MARS2: variants seen among roughly 807,000 people sequenced by gnomAD.
MARS2 encodes the protein methionyl-tRNA synthetase 2, mitochondrial.
A neutral mutation model predicts 43.8 loss-of-function variants in MARS2; 33 were observed. That is an observed-to-expected ratio of 0.75 (90% CI 0.57 to 1.01). The LOEUF (loss-of-function observed/expected upper bound fraction) is 1.01, where lower values mean the gene tolerates loss of function less well. Ranked by LOEUF, MARS2 falls within the 50% of genes least tolerant of loss-of-function variation. The pLI is 0.00. For synonymous variants in MARS2, 351 were observed against 325.5 expected, an observed-to-expected ratio of 1.08 and a Z score of -0.84; for missense variants, 720 against 763.0, an observed-to-expected ratio of 0.94 and a Z score of 0.66.
Position 197,705,720 on chromosome 2 carries a change from C to T in MARS2, c.315C>T (p.Thr105=), listed in dbSNP as rs1185095305. 4.3e-6 allele frequency: 7 copies of T among 1,611,652 alleles called. No homozygotes were observed. In the South Asian group the frequency reaches 5.5e-5, roughly 13 times the overall value. ...TGAAGATTCAGCAGGCAGCAGCTAC[C>T]GCGGGCCTGGCCCCGACCGAGCTGT... The part of the protein sequence containing the change: ...HGLKIQQAAA[T]AGLAPTELCD... The change falls in exon 1 of 1, where the codon ACC becomes ACT. Residue 105 remains threonine, a synonymous_variant. Transcript: ENST00000282276.
chr2:197,706,498 T>C lies in MARS2; in HGVS notation c.1093T>C (p.Tyr365His), dbSNP rs768978350. 58 of 1,613,918 alleles carry C rather than the reference T, an allele frequency of 3.6e-5. No homozygotes were observed. Among genetic ancestry groups the C allele is most frequent in the Non-Finnish European group, 4.5e-5 (53 of 1,180,052 alleles). ...GGATCCTAGGACTTGCCTTAACCGC[T>C]ATACCGTGGATGGCTTCCGCTACTT... ...VVDPRTCLNR[Y>H]TVDGFRYFLL... The change falls in exon 1 of 1, where the codon TAT becomes CAT. Residue 365 changes from tyrosine (Y) to histidine (H), a missense_variant. Tyr to His is a moderately conservative substitution (Grantham distance 83). Coordinates refer to ENST00000282276, the MANE Select transcript of MARS2 (RefSeq NM_138395.4).
At position 197,705,509 on chromosome 2, in the gene MARS2, G is replaced by C; in HGVS notation, c.104G>C (p.Ser35Thr). The C allele has an allele frequency of 6.2e-7, 1 of 1,613,200 alleles. No homozygotes were observed. The highest frequency in any genetic ancestry group is 8.5e-7 in the Non-Finnish European group (1 of 1,179,998). The change falls in exon 1 of 1, where the codon AGT (serine) becomes ACT (threonine). Residue 35 changes from serine to threonine, a missense_variant. Ser to Thr is a moderately conservative substitution (Grantham distance 58, BLOSUM62 1). Transcript: ENST00000282276. ...CGCTACTACAGTTCGGGCTCCCTCA[G>C]TGCCGGCGATGATGCTTGTGATGTG... The part of the protein sequence containing the change: ...GPRYYSSGSL[S>T]AGDDACDVRA...
In MARS2 at chr2:197,705,530, A is replaced by G. The variant is rs1174002700; in HGVS notation, c.125A>G (p.Asp42Gly). The part of the protein sequence containing the change: ...GSLSAGDDAC[D>G]VRAYFTTPIF... Reference sequence around the variant, plus strand: ...CTCAGTGCCGGCGATGATGCTTGTGATGTGCGCGCCTACTTCACTACACCC... The same window carrying G: ...CTCAGTGCCGGCGATGATGCTTGTGGTGTGCGCGCCTACTTCACTACACCC... The change falls in exon 1 of 1, where the codon GAT (aspartate) becomes GGT (glycine). Residue 42 changes from aspartate to glycine, a missense_variant. Asp to Gly is a moderately conservative substitution (Grantham distance 94, BLOSUM62 -1). Coordinates refer to ENST00000282276, the MANE Select transcript of MARS2 (RefSeq NM_138395.4). 6.2e-7 allele frequency: 1 copy of G among 1,612,996 alleles called. No individual in the cohort carries two copies. The highest frequency in any genetic ancestry group is 8.5e-7 in the Non-Finnish European group (1 of 1,179,968).
chr2:197,705,855 C>CT lies in MARS2; in HGVS notation c.451dup (p.Trp151LeufsTer5). ...GGCACCGGGTGGCTGTGCAGCACTTCTGGGGGGTGCTTAAGTCCCGCGGTC... is the reference window on the plus strand; with the variant it reads ...GGCACCGGGTGGCTGTGCAGCACTTCTTGGGGGGTGCTTAAGTCCCGCGGTC... On this transcript the variant is annotated frameshift_variant, in exon 1 of 1. Transcript: ENST00000282276. LOFTEE classifies it high-confidence loss of function. The CT allele has an allele frequency of 6.2e-7, 1 of 1,613,970 alleles. No homozygotes were observed. Among genetic ancestry groups the CT allele is most frequent in the Non-Finnish European group, 8.5e-7 (1 of 1,180,046 alleles).
Position 197,705,774 on chromosome 2 carries a change from G to T in MARS2, c.369G>T (p.Gln123His). Reference protein sequence around the residue: ...LCDRVSEQFQQLFQEAGISCT... With the variant: ...LCDRVSEQFQHLFQEAGISCT... ...ACCGAGTCTCTGAGCAGTTCCAGCA[G>T]CTTTTCCAGGAGGCCGGTATCTCCT... The change falls in exon 1 of 1, where the codon CAG becomes CAT. Residue 123 changes from glutamine (Q) to histidine (H), a missense_variant. By Grantham distance (24) the Gln-to-His change is conservative (BLOSUM62 0). Transcript: ENST00000282276. The T allele has an allele frequency of 2.5e-6, 4 of 1,613,304 alleles. No homozygotes were observed. The highest frequency in any genetic ancestry group is 3.4e-6 in the Non-Finnish European group (4 of 1,180,048).
rs1387554348 is a variant in MARS2 at position 197,707,026 on chromosome 2, G to A, written c.1621G>A (p.Val541Ile). The A allele has an allele frequency of 6.2e-7, 1 of 1,614,148 alleles. No individual in the cohort carries two copies. The highest frequency in any genetic ancestry group is 8.5e-7 in the Non-Finnish European group (1 of 1,180,026). ...LADKLLSRLG[V>I]SASERSLGEL... Reference sequence around the variant, plus strand: ...TGACAAGCTGCTGTCTAGGCTGGGGGTCTCTGCCTCAGAGAGGAGTCTTGG... The same window carrying A: ...TGACAAGCTGCTGTCTAGGCTGGGGATCTCTGCCTCAGAGAGGAGTCTTGG... Residue 541 changes from valine (V) to isoleucine (I), a missense_variant, in exon 1 of 1, where the codon GTC becomes ATC. Transcript: ENST00000282276.
rs567638929 is a variant in MARS2 at position 197,706,188 on chromosome 2, C to T, written c.783C>T (p.His261=). The T allele has an allele frequency of 6.5e-5, 105 of 1,614,270 alleles. 1 individual carries two copies. The South Asian group carries it at 1.1e-3, about 17-fold the overall frequency. The change falls in exon 1 of 1, where the codon CAC becomes CAT. Residue 261 remains histidine (H), a synonymous_variant. Transcript: ENST00000282276. ...TGTCCGTGTCTCGCAGAAGTAGCCACTTGCACTGGGGCATTCCGGTGCCCG... is the reference window on the plus strand; with the variant it reads ...TGTCCGTGTCTCGCAGAAGTAGCCATTTGCACTGGGGCATTCCGGTGCCCG... ...PDLSVSRRSS[H]LHWGIPVPGD...
rs2089476972 is a variant in MARS2, at chr2:197,706,525, C to T, written c.1120C>T (p.Leu374Phe). Residue 374 changes from leucine (L) to phenylalanine (F), a missense_variant, in exon 1 of 1, where the codon CTC (leucine) becomes TTC (phenylalanine). Leu to Phe is a conservative substitution (Grantham distance 22). Transcript: ENST00000282276. ...TACCGTGGATGGCTTCCGCTACTTT[C>T]TCCTTCGGCAGGGCGTCCCCAACTG... ...RYTVDGFRYFLLRQGVPNWDC... is the reference protein window; with the variant it reads ...RYTVDGFRYFFLRQGVPNWDC... The T allele has an allele frequency of 1.2e-6, 2 of 1,614,112 alleles. No individual in the cohort carries two copies. The highest frequency in any genetic ancestry group is 1.3e-5 in the African/African-American group (1 of 74,958).
At position 197,705,869 on chromosome 2, in the gene MARS2, A is replaced by C. The variant is rs775486066; in HGVS notation, c.464A>C (p.Lys155Thr). 3.1e-6 allele frequency: 5 copies of C among 1,613,916 alleles called. No homozygotes were observed. The East Asian group carries it at 8.9e-5, about 29-fold the overall frequency. The change falls in exon 1 of 1, where the codon AAG becomes ACG. Residue 155 changes from lysine (K) to threonine (T), a missense_variant. Coordinates refer to ENST00000282276, the MANE Select transcript of MARS2 (RefSeq NM_138395.4). ...GTGCAGCACTTCTGGGGGGTGCTTAAGTCCCGCGGTCTGCTCTACAAGGGC... is the reference window on the plus strand; with the variant it reads ...GTGCAGCACTTCTGGGGGGTGCTTACGTCCCGCGGTCTGCTCTACAAGGGC... ...VAVQHFWGVLKSRGLLYKGVY... is the reference protein window; with the variant it reads ...VAVQHFWGVLTSRGLLYKGVY...
In MARS2 at chr2:197,705,694, C is replaced by A; in HGVS notation, c.289C>A (p.Leu97Met). 6.2e-7 allele frequency: 1 copy of A among 1,611,058 alleles called. No homozygotes were observed. Residue 97 changes from leucine to methionine, a missense_variant, in exon 1 of 1, where the codon CTG becomes ATG. By Grantham distance (15) the Leu-to-Met change is conservative (BLOSUM62 2). Transcript: ENST00000282276. The stretch of plus-strand genomic sequence containing the variant: ...CTCCACTGGTACCGACGAGCACGGG[C>A]TGAAGATTCAGCAGGCAGCAGCTAC... Reference protein sequence around the residue: ...RFSTGTDEHGLKIQQAAATAG... With the variant: ...RFSTGTDEHGMKIQQAAATAG...
Position 197,707,043 on chromosome 2 carries a change from G to A in MARS2, c.1638G>A (p.Arg546=), listed in dbSNP as rs1319821884. 1 of 1,614,140 alleles carries A rather than the reference G, an allele frequency of 6.2e-7. No individual in the cohort carries two copies. Among genetic ancestry groups the A allele is most frequent in the Non-Finnish European group, 8.5e-7 (1 of 1,180,018 alleles). ...LSRLGVSASE[R]SLGELYFLPR... ...GGCTGGGGGTCTCTGCCTCAGAGAG[G>A]AGTCTTGGAGAGCTCTATTTCTTGC... is the stretch of plus-strand genomic sequence containing the variant. The change falls in exon 1 of 1, where the codon AGG becomes AGA. Residue 546 remains arginine (R), a synonymous_variant. Transcript: ENST00000282276.
rs765592981 is a variant in MARS2 at position 197,706,460 on chromosome 2, TG to T, written c.1058del (p.Gly353AlafsTer43). On this transcript the variant is annotated frameshift_variant, in exon 1 of 1. Transcript: ENST00000282276. LOFTEE classifies it high-confidence loss of function. Reference sequence around the variant, plus strand: ...TGTGGCCAAAAGATGTCCAAGAGCTTGGGCAACGTGGTGGATCCTAGGACTT... The same window carrying T: ...TGTGGCCAAAAGATGTCCAAGAGCTTGGCAACGTGGTGGATCCTAGGACTT... ...TVCGQKMSKS[L>X]GNVVDPRTCL... is the part of the protein sequence containing the mutation. 2.1e-5 allele frequency: 34 copies of T among 1,613,718 alleles called. No homozygotes were observed. The highest frequency in any genetic ancestry group is 2.9e-5 in the Non-Finnish European group (34 of 1,180,044).
rs901878348 is a variant in MARS2, at chr2:197,705,444, G to C, written c.39G>C (p.Thr13=). 2.7e-5 allele frequency: 44 copies of C among 1,612,190 alleles called. No individual in the cohort carries two copies. The highest frequency in any genetic ancestry group is 3.6e-5 in the Non-Finnish European group (43 of 1,179,830). ...RTSVLRLLGR[T]GASRLSLLED... is the part of the protein sequence containing the mutation. Reference sequence around the variant, plus strand: ...CCGTCCTCCGCCTGCTAGGACGCACGGGGGCTAGTAGGCTGTCTCTCCTGG... The same window carrying C: ...CCGTCCTCCGCCTGCTAGGACGCACCGGGGCTAGTAGGCTGTCTCTCCTGG... Residue 13 remains threonine, a synonymous_variant, in exon 1 of 1, where the codon ACG becomes ACC. Transcript: ENST00000282276.
rs777249080 is a variant in MARS2 at position 197,706,145 on chromosome 2, A to G, written c.740A>G (p.Asp247Gly). ...PFHHVVLQWL[D>G]EELPDLSVSR... is the part of the protein sequence containing the mutation. ...CATCACGTAGTTCTTCAGTGGCTGG[A>G]CGAGGAGCTGCCCGACCTGTCCGTG... The change falls in exon 1 of 1, where the codon GAC becomes GGC. Residue 247 changes from aspartate (D) to glycine (G), a missense_variant. Transcript: ENST00000282276. 2 of 1,613,904 alleles carry G rather than the reference A, an allele frequency of 1.2e-6. No homozygotes were observed. The highest frequency in any genetic ancestry group is 2.7e-5 in the African/African-American group (2 of 74,948).
rs143063904 is a variant in MARS2 at position 197,705,600 on chromosome 2, G to A, written c.195G>A (p.Ser65=). The stretch of plus-strand genomic sequence containing the variant: ...CGCCGCACATCGGGCACCTGTACTC[G>A]GCACTACTGGCGGACGCCCTATGCC... The part of the protein sequence containing the change: ...NAAPHIGHLY[S]ALLADALCRH... Residue 65 remains serine, a synonymous_variant, in exon 1 of 1, where the codon TCG becomes TCA. Transcript: ENST00000282276. 2.0e-5 allele frequency: 32 copies of A among 1,612,930 alleles called. No homozygotes were observed. In the African/African-American group the frequency reaches 3.7e-4, roughly 19 times the overall value.
rs138234787 is a variant in MARS2, at chr2:197,707,428, A to C, written c.*241A>C. ...AGATGTCTTCAGGGGAAAGATGGGT[A>C]AGAGACAGTGTTGCTAATGCTGTTC... On this transcript the variant is annotated 3_prime_UTR_variant, in exon 1 of 1. Coordinates refer to ENST00000282276, the MANE Select transcript of MARS2 (RefSeq NM_138395.4). 59 of 483,752 alleles carry C rather than the reference A, an allele frequency of 1.2e-4. No individual in the cohort carries two copies. The East Asian group carries it at 1.5e-3, about 13-fold the overall frequency. The allele number at this position is 483,752 out of a possible 1,614,324, so 30.0% of individuals were successfully genotyped here.
At position 197,706,638 on chromosome 2, in the gene MARS2, T is replaced by C. The variant is rs768675510; in HGVS notation, c.1233T>C (p.Thr411=). ...TGGGAGGTCTCTTGAACCGATGCAC[T>C]GCCAAAAGAATAAATCCTTCTGAGA... ...DALGGLLNRC[T]AKRINPSETY... is the part of the protein sequence containing the mutation. The change falls in exon 1 of 1, where the codon ACT becomes ACC. Residue 411 remains threonine (T), a synonymous_variant. Coordinates refer to ENST00000282276, the MANE Select transcript of MARS2 (RefSeq NM_138395.4). The C allele has an allele frequency of 5.0e-6, 8 of 1,614,134 alleles. No homozygotes were observed. The highest frequency in any genetic ancestry group is 6.8e-6 in the Non-Finnish European group (8 of 1,180,056).
At position 197,706,011 on chromosome 2, in the gene MARS2, A is replaced by G. The variant is rs34908171; in HGVS notation, c.606A>G (p.Pro202=). ...CTGTATCTCTCGAGAGCGGGCATCCAGTCTCCTGGACCAAGGAAGAAAACT... is the reference window on the plus strand; with the variant it reads ...CTGTATCTCTCGAGAGCGGGCATCCGGTCTCCTGGACCAAGGAAGAAAACT... ...SFPVSLESGH[P]VSWTKEENYI... The change falls in exon 1 of 1, where the codon CCA becomes CCG. Residue 202 remains proline, a synonymous_variant. Transcript: ENST00000282276. 1,672 of 1,614,228 alleles carry G rather than the reference A, an allele frequency of 1.0e-3. 13 individuals carry two copies. In the African/African-American group the frequency reaches 0.019, roughly 18 times the overall value.
rs1163194127 is a variant in MARS2 at position 197,705,858 on chromosome 2, G to C, written c.453G>C (p.Trp151Cys). 6.2e-7 allele frequency: 1 copy of C among 1,613,856 alleles called. No individual in the cohort carries two copies. The highest frequency in any genetic ancestry group is 1.7e-5 in the Admixed American group (1 of 60,008). Reference protein sequence around the residue: ...ARHRVAVQHFWGVLKSRGLLY... With the variant: ...ARHRVAVQHFCGVLKSRGLLY... ...ACCGGGTGGCTGTGCAGCACTTCTG[G>C]GGGGTGCTTAAGTCCCGCGGTCTGC... The change falls in exon 1 of 1, where the codon TGG becomes TGC. Residue 151 changes from tryptophan (W) to cysteine (C), a missense_variant. Physicochemically the swap from Trp to Cys is radical, Grantham distance 215. Transcript: ENST00000282276.
Sources: gnomAD v4.1 joint callset for allele counts on GRCh38, gnomAD v4.1.1 for gene constraint, MANE v1.5 for transcripts, NCBI Gene and HGNC (gene_info 2026-07-23, HGNC 2026-07-21) for gene names.